Variants in MAP4 observed in about 807,000 individuals in gnomAD.
MAP4 encodes the protein microtubule-associated protein 4.
MAP4 carries 76 observed loss-of-function variants against 170.2 expected under a neutral mutation model. That is an observed-to-expected ratio of 0.45 (90% CI 0.37 to 0.54). The LOEUF (loss-of-function observed/expected upper bound fraction) is 0.54, where lower values mean the gene tolerates loss of function less well. Among genes scored for constraint, MAP4 ranks in the 20% least tolerant of loss-of-function variants. The pLI, the probability that MAP4 is intolerant of heterozygous loss-of-function variation, is 0.00. For missense variants in MAP4, 2,506 were observed against 2,748.0 expected, an observed-to-expected ratio of 0.91 and a Z score of 1.97; for synonymous variants, 909 against 994.5, an observed-to-expected ratio of 0.91 and a Z score of 1.62.
At chr3:48,061,224 G>A (rs928817065) in intron 1 of MAP4, among the ~76,000 whole-genome samples, 10 of 112,202 alleles carry the variant, frequency 8.9e-5, no homozygotes, top group African/African-American at 1.7e-4. Flanking sequence ...CTCTTTCCAC[G>A]GTCTCCCTCT....
chr3:47,863,847 T>C (rs1389079283), intron 17 of MAP4, among the ~76,000 whole-genome samples: 1 of 151,286 alleles, frequency 6.6e-6, no homozygotes, highest in African/African-American at 2.4e-5. Flanking sequence ...TTTGGAGCAC[T>C]AACTAGGATC....
chr3:47,897,285 C>A lies in MAP4; in HGVS notation c.5434+5665G>T, dbSNP rs368074262. Among the ~76,000 whole-genome samples, 12 of 152,192 alleles carry A rather than the reference C, an allele frequency of 7.9e-5. No homozygotes were observed. The East Asian group carries it at 1.6e-3, about 20-fold the overall frequency. On this transcript the variant is annotated intron_variant, in intron 10 of 20. Transcript: ENST00000683076. The stretch of plus-strand genomic sequence containing the variant: ...GGGATTACAGGCCCACACCACCACA[C>A]CTGACTAATTTTTGTATTTTTAGTA...
At chr3:48,069,689 T>A (rs964647098) in intron 1 of MAP4, among the ~76,000 whole-genome samples, 1 of 152,198 alleles carries the variant, frequency 6.6e-6, no homozygotes, top group Non-Finnish European at 1.5e-5. Context: ...TCCCTATTAT[T>A]GTTATCTTAT....
In MAP4 at chr3:47,916,221, G is replaced by T; in HGVS notation, c.1606C>A (p.Leu536Met). The part of the protein sequence containing the change: ...TEVVLIKNVC[L>M]PPEMEVALTE... ...AGGGCCACCTCCATTTCTGGAGGCA[G>T]ACATACGTTCTTGATGAGAACTACT... The change falls in exon 7 of 21, where the codon CTG (leucine) becomes ATG (methionine). Residue 536 changes from leucine to methionine, a missense_variant. This residue lies in a region of MAP4 where 2,008 missense variants were observed against 2,206.0 expected (regional missense o/e 0.91). Transcript: ENST00000683076. 6.2e-7 allele frequency: 1 copy of T among 1,614,220 alleles called. No homozygotes were observed. The highest frequency in any genetic ancestry group is 8.5e-7 in the Non-Finnish European group (1 of 1,180,032).
intron 1 of MAP4, among the ~76,000 whole-genome samples, chr3:48,048,295 C>T (rs1449836450): frequency 1.3e-5 from 2 of 152,108 alleles, no homozygotes; most frequent in East Asian, 3.9e-4. Context: ...GACAATGGAG[C>T]AAGTCATCAC....
At chr3:47,897,858 C>A (rs993733680) in intron 10 of MAP4, among the ~76,000 whole-genome samples, 8 of 149,562 alleles carry the variant, frequency 5.3e-5, no homozygotes, top group Admixed American at 5.3e-4. Flanking sequence ...AGGAGAATCG[C>A]TTGAACCTGG....
chr3:47,947,236 A>G (rs1446708640), intron 3 of MAP4, among the ~76,000 whole-genome samples: 1 of 152,174 alleles, frequency 6.6e-6, no homozygotes, highest in African/African-American at 2.4e-5. Context: ...ATTTCTTCAC[A>G]CTTGAATAAG....
chr3:47,890,666 C>A (rs2098392828), intron 10 of MAP4, among the ~76,000 whole-genome samples: 1 of 152,092 alleles, frequency 6.6e-6, no homozygotes, highest in Admixed American at 6.5e-5. Context: ...TTCAAACCAA[C>A]AGGGAGCTGA....
At chr3:47,998,155 G>C (rs997670277) in intron 2 of MAP4, among the ~76,000 whole-genome samples, 1 of 152,154 alleles carries the variant, frequency 6.6e-6, no homozygotes, top group African/African-American at 2.4e-5. Context: ...ATTCCCTCAT[G>C]AACACAGATA....
chr3:48,088,213 C>A (rs561891777), intron 1 of MAP4, among the ~76,000 whole-genome samples: 1 of 151,190 alleles, frequency 6.6e-6, no homozygotes, highest in African/African-American at 2.4e-5. Flanking sequence ...ACTCCCACTG[C>A]CAGACACACG....
chr3:47,988,011 G>A (rs557398784), intron 2 of MAP4, among the ~76,000 whole-genome samples: 4 of 152,150 alleles, frequency 2.6e-5, no homozygotes, highest in East Asian at 1.9e-4. Context: ...TGGCTAACAC[G>A]GTGAAACCCC....
At chr3:47,861,218 G>A (rs1180872424) in intron 17 of MAP4, among the ~76,000 whole-genome samples, 1 of 152,138 alleles carries the variant, frequency 6.6e-6, no homozygotes, top group Non-Finnish European at 1.5e-5. Flanking sequence ...AAAATTAGCT[G>A]GGTGTGGTGG....
intron 3 of MAP4, among the ~76,000 whole-genome samples, chr3:47,941,575 A>C (rs1273700358): frequency 6.6e-6 from 1 of 151,854 alleles, no homozygotes; most frequent in Non-Finnish European, 1.5e-5. Flanking sequence ...CAGGAGTTCG[A>C]GACCAGCCTG....
In MAP4 at chr3:47,975,218, A is replaced by C. The variant is rs1208699350; in HGVS notation, c.292+2647T>G. 3.9e-6 allele frequency: 5 copies of C among 1,266,994 alleles called. No homozygotes were observed. In the South Asian group the frequency reaches 1.7e-4, roughly 43 times the overall value. The allele number at this position is 1,266,994 out of a possible 1,614,324, so 78.5% of individuals were successfully genotyped here. ...TAAAATTAAAAAGAATTCATTTTGC[A>C]CTTTGTGTTCACAAAGGGAAATGAG... is the stretch of plus-strand genomic sequence containing the variant. On this transcript the variant is annotated intron_variant, in intron 3 of 20. Coordinates refer to ENST00000683076, the MANE Select transcript of MAP4 (RefSeq NM_001385682.1).
At chr3:47,944,681 C>T (rs989605600) in intron 3 of MAP4, among the ~76,000 whole-genome samples, 1 of 151,870 alleles carries the variant, frequency 6.6e-6, no homozygotes, top group South Asian at 2.1e-4. Flanking sequence ...ATTTTTCATT[C>T]CTTCTCTCCT....
intron 3 of MAP4, chr3:47,973,564 CAT>C: frequency 1.0e-6 from 1 of 984,294 alleles, no homozygotes; most frequent in South Asian, 4.7e-5. Context: ...AAAAAGGAAA[CAT>C]ATTTGAAAAA....
intron 3 of MAP4, among the ~76,000 whole-genome samples, chr3:47,941,945 T>C (rs987139089): frequency 1.3e-5 from 2 of 152,232 alleles, no homozygotes; most frequent in Non-Finnish European, 2.9e-5. Context: ...TAAATAGATA[T>C]AACCCTCACA....
chr3:47,983,568 A>C (rs542917011), intron 2 of MAP4, among the ~76,000 whole-genome samples: 1 of 152,108 alleles, frequency 6.6e-6, no homozygotes, highest in South Asian at 2.1e-4. Flanking sequence ...TTGTATTTTT[A>C]GTAGAAACAG....
At chr3:47,971,275 C>T (rs925587639) in intron 3 of MAP4, among the ~76,000 whole-genome samples, 6 of 152,204 alleles carry the variant, frequency 3.9e-5, no homozygotes, top group Admixed American at 2.0e-4. Context: ...CTGGGCTCCA[C>T]TTGTGAGTTA....
Sources: allele counts gnomAD v4.1 joint callset (sites outside exome capture counted in the v4.1 genomes callset), GRCh38; gene constraint gnomAD v4.1.1; regional missense constraint gnomAD v4.1.1; transcripts MANE v1.5; gene names NCBI Gene and HGNC (gene_info 2026-07-23, HGNC 2026-07-21).